Variants in PCDH11X observed in about 807,000 individuals in gnomAD.
PCDH11X encodes the protein protocadherin-11 X-linked.
PCDH11X carries 18 observed loss-of-function variants against 53.3 expected under a neutral mutation model. That is an observed-to-expected ratio of 0.34 (90% CI 0.23 to 0.50). PCDH11X has a LOEUF of 0.50. Among genes scored for constraint, PCDH11X ranks in the 20% least tolerant of loss-of-function variants. PCDH11X has a pLI of 0.98. For missense variants in PCDH11X, 570 were observed against 1,032.4 expected (o/e 0.55, Z 6.14); for synonymous variants, 279 against 393.3 (o/e 0.71, Z 3.44).
At chrX:92,049,265 G>T (rs1164949950) in intron 6 of PCDH11X, among the ~76,000 whole-genome samples, 1 of 111,461 alleles carries the variant, frequency 9.0e-6, no homozygotes, top group Non-Finnish European at 1.9e-5. Context: ...TAATTTCAAG[G>T]TATGCAAGGA....
chrX:92,265,229 C>T (rs1216687081), intron 8 of PCDH11X, among the ~76,000 whole-genome samples: 2 of 109,668 alleles, frequency 1.8e-5, no homozygotes, highest in African/African-American at 3.3e-5. Flanking sequence ...GCCACCGCAC[C>T]CGGCCGATAA....
intron 9 of PCDH11X, among the ~76,000 whole-genome samples, chrX:92,398,814 T>A (rs1249336183): frequency 1.8e-5 from 2 of 110,809 alleles, no homozygotes; most frequent in African/African-American, 6.6e-5. Context: ...AAAATGAGAA[T>A]AATAAAAGCA....
chrX:91,950,177 G>A (rs754131707), intron 6 of PCDH11X, among the ~76,000 whole-genome samples: 1,146 of 107,422 alleles, frequency 0.011, 8 homozygotes, highest in Admixed American at 0.022. Context: ...TAGCTTTCAG[G>A]GTACAAGTAT....
At chrX:91,896,294 TTG>T (rs1417377994) in intron 6 of PCDH11X, among the ~76,000 whole-genome samples, 1 of 109,685 alleles carries the variant, frequency 9.1e-6, no homozygotes, top group African/African-American at 3.3e-5. Context: ...TTGGCTATTT[TTG>T]TGTGTGTGTC....
intron 10 of PCDH11X, among the ~76,000 whole-genome samples, chrX:92,588,483 G>C (rs868128314): frequency 7.6e-5 from 8 of 104,920 alleles, no homozygotes; most frequent in Admixed American, 2.1e-4. Context: ...GAATCAAGCA[G>C]AAATTTTGGA....
At chrX:92,013,502 T>A (rs2062730032) in intron 6 of PCDH11X, among the ~76,000 whole-genome samples, 1 of 111,522 alleles carries the variant, frequency 9.0e-6, no homozygotes, top group Non-Finnish European at 1.9e-5. Flanking sequence ...AAGCTACCAA[T>A]GACTTTCTTC....
intron 8 of PCDH11X, among the ~76,000 whole-genome samples, chrX:92,301,466 C>T (rs1485327662): frequency 1.8e-5 from 2 of 108,709 alleles, no homozygotes; most frequent in Non-Finnish European, 3.8e-5. Context: ...CTGGGCTCCA[C>T]ATAGGCTGGA....
At position 92,092,993 on chromosome X, in the gene PCDH11X, G is replaced by A. The variant is rs185096843; in HGVS notation, c.3034-108382G>A. ...TGTTGCAAGACCTGGTTGTTTGAAA[G>A]TGTGTGGCACCCCACCACTCACTCT... On this transcript the variant is annotated intron_variant, in intron 6 of 10. Coordinates refer to ENST00000682573, the MANE Select transcript of PCDH11X (RefSeq NM_032968.5). Among the ~76,000 whole-genome samples, 205 of 111,301 alleles carry A rather than the reference G, an allele frequency of 1.8e-3. 2 individuals carry two copies. The highest frequency in any genetic ancestry group is 6.3e-3 in the African/African-American group (193 of 30,632).
chrX:92,100,626 A>T (rs1350321674), intron 6 of PCDH11X, among the ~76,000 whole-genome samples: 2 of 111,231 alleles, frequency 1.8e-5, no homozygotes, highest in African/African-American at 6.6e-5. Context: ...ACTTCCGGCC[A>T]TCTGGTCGTA....
At chrX:91,785,251 G>C (rs1235275547) in intron 1 of PCDH11X, among the ~76,000 whole-genome samples, 1 of 98,846 alleles carries the variant, frequency 1.0e-5, no homozygotes, top group Admixed American at 1.1e-4. Context: ...TTGTGGGATT[G>C]GTATAGCGGC....
At chrX:92,403,329 GTTTTTTTTTGTTT>G (rs1195129557) in intron 9 of PCDH11X, among the ~76,000 whole-genome samples, 789 of 58,767 alleles carry the variant, frequency 0.013, 19 homozygotes, top group African/African-American at 0.057. Flanking sequence ...GGGCATTTAC[GTTTTTTTTTGTTT>G]TTTTTTTTTT....
At chrX:92,543,174 C>G in intron 10 of PCDH11X, among the ~76,000 whole-genome samples, 1 of 102,323 alleles carries the variant, frequency 9.8e-6, no homozygotes. Flanking sequence ...CAGGACACTG[C>G]ATTTCTTAAT....
At chrX:92,500,088 T>C (rs1178183261) in intron 10 of PCDH11X, among the ~76,000 whole-genome samples, 1 of 111,366 alleles carries the variant, frequency 9.0e-6, no homozygotes, top group Non-Finnish European at 1.9e-5. Flanking sequence ...TTTCTTAAAA[T>C]TGATACTAAG....
intron 6 of PCDH11X, chrX:91,883,139 T>G (rs1352295091): frequency 2.0e-6 from 2 of 984,024 alleles, no homozygotes; most frequent in African/African-American, 4.5e-5. Context: ...AATGGAAATT[T>G]AAAATTTATG....
intron 6 of PCDH11X, among the ~76,000 whole-genome samples, chrX:91,912,191 T>G (rs2147804057): frequency 8.9e-6 from 1 of 111,831 alleles, no homozygotes; most frequent in Non-Finnish European, 1.9e-5. Context: ...TCCTTAGTTT[T>G]TTCCAAAGAT....
rs1450446098 is a variant in PCDH11X, at chrX:92,620,873, G to A, written c.*1933G>A. The A allele has an allele frequency of 1.8e-5, 2 of 108,404 alleles. No individual in the cohort carries two copies. The highest frequency in any genetic ancestry group is 3.4e-5 in the African/African-American group (1 of 29,189). The allele number at this position is 108,404 out of a possible 1,213,427, so 8.9% of individuals were successfully genotyped here. On this transcript the variant is annotated 3_prime_UTR_variant, in exon 11 of 11. Coordinates refer to ENST00000682573, the MANE Select transcript of PCDH11X (RefSeq NM_032968.5). ...GGTTTTCCAGGTGCATGTGAATCCCGAAGGACTGATGATATTTGAATGTTT... is the reference window on the plus strand; with the variant it reads ...GGTTTTCCAGGTGCATGTGAATCCCAAAGGACTGATGATATTTGAATGTTT...
chrX:92,245,089 G>A, intron 7 of PCDH11X, among the ~76,000 whole-genome samples: 1 of 112,391 alleles, frequency 8.9e-6, no homozygotes, highest in East Asian at 2.8e-4. Context: ...CTATATGATA[G>A]ATTCACAAAG....
At chrX:91,834,511 G>A (rs1341135383) in intron 4 of PCDH11X, 3 of 108,107 alleles carry the variant, frequency 2.8e-5, no homozygotes, top group Non-Finnish European at 5.7e-5. Context: ...GTCTATAGAT[G>A]TGAAAACCCA....
intron 10 of PCDH11X, among the ~76,000 whole-genome samples, chrX:92,560,217 A>T (rs4020593): frequency 9.2e-6 from 1 of 109,107 alleles, no homozygotes; most frequent in Non-Finnish European, 1.9e-5. Flanking sequence ...TGGAAGCAAA[A>T]CCATGGCCTT....
Sources: allele counts gnomAD v4.1 joint callset (sites outside exome capture counted in the v4.1 genomes callset), GRCh38; gene constraint gnomAD v4.1.1; transcripts MANE v1.5; gene names NCBI Gene and HGNC (gene_info 2026-07-23, HGNC 2026-07-21).